Variants in OTOGL observed in about 807,000 individuals in gnomAD.
OTOGL encodes otogelin like, also known as otogelin-like protein.
A neutral mutation model predicts 318.5 loss-of-function variants in OTOGL; 285 were observed. The observed-to-expected ratio is 0.89, with a 90% CI of 0.81 to 0.99. The LOEUF (loss-of-function observed/expected upper bound fraction) is 0.99. Ranked by LOEUF, OTOGL falls within the 50% of genes least tolerant of loss-of-function variation. The probability of loss-of-function intolerance (pLI) is 0.00; values close to 1 mark genes in which losing one functional copy is unlikely to be tolerated. For synonymous variants in OTOGL, 987 were observed against 936.5 expected (o/e 1.05, Z -0.99); for missense variants, 2,899 against 2,845.6 (o/e 1.02, Z -0.43).
intron 4 of OTOGL, among the ~76,000 whole-genome samples, chr12:80,216,599 G>T (rs372111963): frequency 6.6e-6 from 1 of 152,120 alleles, no homozygotes; most frequent in Non-Finnish European, 1.5e-5. Context: ...TCTGTGTGAG[G>T]CACTATGTAT....
intron 1 of OTOGL, among the ~76,000 whole-genome samples, chr12:80,142,670 C>T (rs780103942): frequency 6.6e-6 from 1 of 152,114 alleles, no homozygotes; most frequent in Non-Finnish European, 1.5e-5. Context: ...TTTGACGGCC[C>T]CTTAACACTG....
At chr12:80,179,364 T>C (rs191028136) in intron 1 of OTOGL, among the ~76,000 whole-genome samples, 17 of 152,296 alleles carry the variant, frequency 1.1e-4, no homozygotes, top group African/African-American at 3.4e-4. Context: ...TTTGATCTTA[T>C]GTAAATCAGT....
intron 11 of OTOGL, among the ~76,000 whole-genome samples, chr12:80,242,001 A>G (rs1037497384): frequency 1.3e-5 from 2 of 152,160 alleles, no homozygotes. Context: ...GCATGCTTCC[A>G]CTTTTAACCT....
chr12:80,358,968 T>C, intron 52 of OTOGL, 68 bp downstream of exon 52: 1 of 1,256,292 alleles, frequency 8.0e-7, no homozygotes, highest in Non-Finnish European at 1.1e-6. Flanking sequence ...TTTATCTCTC[T>C]CATTTCTAAA....
At chr12:80,130,054 T>C (rs1871142448) in intron 1 of OTOGL, among the ~76,000 whole-genome samples, 1 of 152,220 alleles carries the variant, frequency 6.6e-6, no homozygotes, top group African/African-American at 2.4e-5. Flanking sequence ...TCTTCTGAAA[T>C]ATCCTATTAC....
intron 1 of OTOGL, among the ~76,000 whole-genome samples, chr12:80,149,443 G>T (rs1277462511): frequency 6.6e-6 from 1 of 152,160 alleles, no homozygotes; most frequent in Non-Finnish European, 1.5e-5. Flanking sequence ...CTCCAGTTGC[G>T]TACTGGGAGA....
At chr12:80,153,324 C>T (rs945020334) in intron 1 of OTOGL, among the ~76,000 whole-genome samples, 6 of 152,126 alleles carry the variant, frequency 3.9e-5, no homozygotes, top group Non-Finnish European at 5.9e-5. Flanking sequence ...TTTATAAGGG[C>T]ATTAATCCCA....
intron 38 of OTOGL, among the ~76,000 whole-genome samples, chr12:80,334,232 A>G (rs1888257208): frequency 6.6e-6 from 1 of 152,160 alleles, no homozygotes; most frequent in Non-Finnish European, 1.5e-5. Context: ...GAAGGTAGAA[A>G]GATTACATGT....
intron 1 of OTOGL, among the ~76,000 whole-genome samples, chr12:80,198,744 A>G (rs971475240): frequency 1.3e-5 from 2 of 152,328 alleles, no homozygotes; most frequent in East Asian, 3.9e-4. Context: ...GCCAGAAAAC[A>G]TTATCCTTTA....
At chr12:80,144,756 T>C (rs1046259850) in intron 1 of OTOGL, among the ~76,000 whole-genome samples, 5 of 152,210 alleles carry the variant, frequency 3.3e-5, no homozygotes, top group African/African-American at 1.2e-4. Flanking sequence ...TTCTAACTAG[T>C]GTGAGATGGT....
chr12:80,123,144 A>C (rs1471694935), intron 1 of OTOGL, among the ~76,000 whole-genome samples: 2 of 151,814 alleles, frequency 1.3e-5, no homozygotes, highest in Non-Finnish European at 2.9e-5. Flanking sequence ...ATAACTCATC[A>C]TTTAACATTA....
intron 46 of OTOGL, among the ~76,000 whole-genome samples, chr12:80,354,050 T>C (rs1004309778): frequency 2.6e-5 from 4 of 152,198 alleles, no homozygotes; most frequent in African/African-American, 9.6e-5. Flanking sequence ...ATCCTCCGTG[T>C]GGCAGTGCTG....
chr12:80,219,175 G>T (rs973135662), intron 5 of OTOGL, among the ~76,000 whole-genome samples: 1 of 152,012 alleles, frequency 6.6e-6, no homozygotes, highest in African/African-American at 2.4e-5. Flanking sequence ...GCAATGGCGT[G>T]ATCTCGGCTC....
chr12:80,325,328 T>C (rs1382915298), intron 35 of OTOGL, among the ~76,000 whole-genome samples: 5 of 152,046 alleles, frequency 3.3e-5, no homozygotes, highest in African/African-American at 1.2e-4. Context: ...AAGAAAACAA[T>C]CTTAATACAT....
intron 35 of OTOGL, among the ~76,000 whole-genome samples, chr12:80,324,624 G>A (rs1565984587): frequency 6.6e-6 from 1 of 152,176 alleles, no homozygotes. Context: ...ATGGGCTGTT[G>A]GAGGAGAGGA....
At chr12:80,376,203 A>G (rs1398651935) in intron 57 of OTOGL, among the ~76,000 whole-genome samples, 1 of 152,170 alleles carries the variant, frequency 6.6e-6, no homozygotes, top group African/African-American at 2.4e-5. Flanking sequence ...CCTTCAGTCA[A>G]TCTTAGCTAC....
At chr12:80,348,739 G>T (rs1889358714) in intron 44 of OTOGL, among the ~76,000 whole-genome samples, 1 of 152,088 alleles carries the variant, frequency 6.6e-6, no homozygotes, top group African/African-American at 2.4e-5. Context: ...CACTCTTCTT[G>T]TTTGCTAAGC....
At chr12:80,103,563 T>C (rs1869272915) in intron 1 of OTOGL, among the ~76,000 whole-genome samples, 2 of 152,214 alleles carry the variant, frequency 1.3e-5, no homozygotes, top group Admixed American at 6.5e-5. Context: ...TTCTCTTTCA[T>C]AGCACTCATT....
intron 1 of OTOGL, among the ~76,000 whole-genome samples, chr12:80,140,994 A>G (rs1380504758): frequency 6.6e-6 from 1 of 152,194 alleles, no homozygotes; most frequent in Non-Finnish European, 1.5e-5. Flanking sequence ...AGATTAAATT[A>G]AATCCTGATA....
Sources: allele counts gnomAD v4.1 joint callset (sites outside exome capture counted in the v4.1 genomes callset), GRCh38; gene constraint gnomAD v4.1.1; transcripts MANE v1.5; gene names NCBI Gene and HGNC (gene_info 2026-07-23, HGNC 2026-07-21).